The following PCNT variants were observed in gnomAD, a reference collection of about 807,000 sequenced individuals.
The protein encoded by PCNT is pericentrin.
In PCNT, 319 loss-of-function variants were observed where a neutral mutation model predicts 380.4. That is an observed-to-expected ratio of 0.84 (90% CI 0.77 to 0.92). PCNT has a LOEUF of 0.92. Ranked by LOEUF, PCNT falls within the 40% of genes least tolerant of loss-of-function variation. PCNT has a pLI of 0.00. For synonymous variants in PCNT, 1,845 were observed against 1,735.2 expected (o/e 1.06, Z -1.57); for missense variants, 4,400 against 4,255.3 (o/e 1.03, Z -0.95).
intron 36 of PCNT, 109 bp from the exon 37 acceptor site, chr21:46,430,398 G>A: frequency 6.9e-7 from 1 of 1,456,888 alleles, no homozygotes; most frequent in Non-Finnish European, 9.4e-7. Flanking sequence ...GGGGGGTGAA[G>A]CACACGTGTG....
chr21:46,349,202 G>T lies in PCNT; in HGVS notation c.1207+16G>T. The T allele has an allele frequency of 1.9e-6, 3 of 1,607,788 alleles. No individual in the cohort carries two copies. The South Asian group carries it at 3.3e-5, about 18-fold the overall frequency. ...CAGGCTGAACGTAAGTAATGAAAAT[G>T]AGCAAGTTTGGAGTGGGACTGAATT... On this transcript the variant is annotated intron_variant, in intron 7 of 46. Transcript: ENST00000359568.
At chr21:46,437,943 G>A (rs538872193) in intron 40 of PCNT, among the ~76,000 whole-genome samples, 28 of 152,326 alleles carry the variant, frequency 1.8e-4, no homozygotes, top group Middle Eastern at 3.4e-3. Flanking sequence ...ACAACCAAAC[G>A]GGCTATGCTT....
chr21:46,325,465 A>G (rs2083353886), intron 1 of PCNT, among the ~76,000 whole-genome samples: 1 of 151,320 alleles, frequency 6.6e-6, no homozygotes, highest in Non-Finnish European at 1.5e-5. Flanking sequence ...ATATCCCGAC[A>G]TGGATAGGTG....
intron 12 of PCNT, 113 bp from the exon 13 acceptor site, chr21:46,356,859 CCA>C (rs1366152323): frequency 1.5e-5 from 13 of 849,900 alleles, no homozygotes; most frequent in Middle Eastern, 3.5e-4. Flanking sequence ...GCTTGAAAAT[CCA>C]CAGTGTCTGC....
intron 6 of PCNT, among the ~76,000 whole-genome samples, chr21:46,347,719 C>T (rs551562743): frequency 6.6e-6 from 1 of 152,342 alleles, no homozygotes; most frequent in East Asian, 1.9e-4. Context: ...TTCACATTGA[C>T]TTGCATAACA....
chr21:46,399,442 C>A, intron 24 of PCNT, 148 bp from the exon 25 acceptor site: 1 of 673,276 alleles, frequency 1.5e-6, no homozygotes, highest in Admixed American at 2.3e-5. Flanking sequence ...TCTCCCTGTG[C>A]AGCCTGTGAG....
Position 46,425,900 on chromosome 21 carries a change from A to C in PCNT, c.7249A>C (p.Ser2417Arg), listed in dbSNP as rs2087474843. The part of the protein sequence containing the change: ...LALSEGLAPP[S>R]GEPHPPRKED... ...GCTGTCAGAAGGCCTTGCACCCCCA[A>C]GCGGCGAGCCACACCCACCCCGGAA... The change falls in exon 33 of 47, where the codon AGC (serine) becomes CGC (arginine). Residue 2417 changes from serine to arginine, a missense_variant. Physicochemically the swap from Ser to Arg is moderately radical, Grantham distance 110 (BLOSUM62 -1). Coordinates refer to ENST00000359568, the MANE Select transcript of PCNT (RefSeq NM_006031.6). The surrounding 1 kb of genome is among the most constrained non-coding windows in gnomAD (Gnocchi z 4.2). 1 of 1,613,886 alleles carries C rather than the reference A, an allele frequency of 6.2e-7. No homozygotes were observed. Among genetic ancestry groups the C allele is most frequent in the Admixed American group, 1.7e-5 (1 of 60,014 alleles).
intron 2 of PCNT, 62 bp from the exon 3 acceptor site, chr21:46,334,335 G>A: frequency 6.2e-7 from 1 of 1,611,956 alleles, no homozygotes; most frequent in Non-Finnish European, 8.5e-7. Context: ...AGCTGGGAAG[G>A]GCCTGAGGCT....
At chr21:46,324,565 G>A (rs1204791815) in intron 1 of PCNT, among the ~76,000 whole-genome samples, 1 of 114,614 alleles carries the variant, frequency 8.7e-6, no homozygotes, top group African/African-American at 4.0e-5. Context: ...GCCTGCGTCG[G>A]GGGGGGTGGG....
chr21:46,418,162 A>C, intron 30 of PCNT, 42 bp from the exon 31 acceptor site: 1 of 1,222,674 alleles, frequency 8.2e-7, no homozygotes, highest in Non-Finnish European at 1.2e-6. Context: ...GCTATGATGT[A>C]ATTACTCATT....
intron 3 of PCNT, among the ~76,000 whole-genome samples, chr21:46,344,442 G>A (rs904615593): frequency 3.9e-5 from 6 of 152,186 alleles, no homozygotes; most frequent in East Asian, 1.9e-4. Flanking sequence ...ACGAGTCCCC[G>A]CACAGGCAGC....
Position 46,364,367 on chromosome 21 carries a change from T to C in PCNT, c.2609+433T>C, listed in dbSNP as rs559170030. ...GCCCCCCGGCCACAGTGGGACAGCT[T>C]TGTGTTTGGACGGGCAGGCTGGCAG... is the stretch of plus-strand genomic sequence containing the variant. On this transcript the variant is annotated intron_variant, in intron 14 of 46. Transcript: ENST00000359568. 1.5e-3 allele frequency among the ~76,000 whole-genome samples: 234 copies of C among 152,302 alleles called. 1 individual carries two copies. The highest frequency in any genetic ancestry group is 3.4e-3 in the Middle Eastern group (1 of 294).
Position 46,334,568 on chromosome 21 carries a change from A to G in PCNT, c.439A>G (p.Thr147Ala). The G allele has an allele frequency of 6.4e-7, 1 of 1,573,742 alleles. No individual in the cohort carries two copies. The highest frequency in any genetic ancestry group is 8.7e-7 in the Non-Finnish European group (1 of 1,146,516). ...DHPPEQRGMF[T>A]VSDHPPEQHG... ...CCCACCAGAACAGCGTGGGATGTTC[A>G]CAGTCAGTGACCACCCACCAGAACA... Residue 147 changes from threonine to alanine, a missense_variant, in exon 3 of 47, where the codon ACA becomes GCA. Physicochemically the swap from Thr to Ala is moderately conservative, Grantham distance 58. Transcript: ENST00000359568.
intron 23 of PCNT, 24 bp from the exon 24 acceptor site, chr21:46,398,211 C>A: frequency 6.2e-7 from 1 of 1,608,254 alleles, no homozygotes; most frequent in Non-Finnish European, 8.5e-7. Context: ...AAATTTTTGC[C>A]TTCCATGTAC....
At position 46,397,416 on chromosome 21, in the gene PCNT, G is replaced by C. The variant is rs2086245135; in HGVS notation, c.4368G>C (p.Gln1456His). The stretch of plus-strand genomic sequence containing the variant: ...CTCAGCATCGCGGGTGTGCCAAGCA[G>C]GCGGAGGCCGTCACTGCCCTGGAAC... ...QLSQHRGCAK[Q>H]AEAVTALEQQ... Residue 1456 changes from glutamine to histidine, a missense_variant, in exon 22 of 47, where the codon CAG (glutamine) becomes CAC (histidine). By Grantham distance (24) the Gln-to-His change is conservative. Transcript: ENST00000359568. 6.2e-7 allele frequency: 1 copy of C among 1,614,110 alleles called. No individual in the cohort carries two copies. Among genetic ancestry groups the C allele is most frequent in the African/African-American group, 1.3e-5 (1 of 74,952 alleles).
chr21:46,437,044 A>T lies in PCNT; in HGVS notation c.9062A>T (p.Glu3021Val). ...AVMSLLHTLE[E>V]LKSDLSRPTS... is the part of the protein sequence containing the mutation. ...ATGTCTTTACTGCACACGTTGGAGG[A>T]GCTGAAGTCTGACTTGAGCAGGCCC... The change falls in exon 40 of 47, where the codon GAG becomes GTG. Residue 3021 changes from glutamate to valine, a missense_variant. Glu to Val is a moderately radical substitution (Grantham distance 121). Transcript: ENST00000359568. 2 of 1,614,124 alleles carry T rather than the reference A, an allele frequency of 1.2e-6. No individual in the cohort carries two copies. Among genetic ancestry groups the T allele is most frequent in the East Asian group, 2.2e-5 (1 of 44,884 alleles).
chr21:46,369,651 C>T (rs1335069563), intron 15 of PCNT, among the ~76,000 whole-genome samples: 1 of 152,240 alleles, frequency 6.6e-6, no homozygotes, highest in South Asian at 2.1e-4. Context: ...GCATATCACA[C>T]ATGAAGTGTG....
rs751242426 is a variant in PCNT, at chr21:46,432,047, G to GGA, written c.8593_8594dup (p.Glu2866GlyfsTer11). 2 of 1,613,946 alleles carry GGA rather than the reference G, an allele frequency of 1.2e-6. No homozygotes were observed. The highest frequency in any genetic ancestry group is 1.7e-6 in the Non-Finnish European group (2 of 1,180,016). ...AAAAACGAGAGCTGAGATGCTCTCTGGAGAGAGAGAGGGAGAAACCAGCGT... is the reference window on the plus strand; with the variant it reads ...AAAAACGAGAGCTGAGATGCTCTCTGGAGAGAGAGAGAGGGAGAAACCAGCGT... On this transcript the variant is annotated frameshift_variant, in exon 38 of 47. Transcript: ENST00000359568. LOFTEE classifies it high-confidence loss of function.
intron 39 of PCNT, among the ~76,000 whole-genome samples, chr21:46,436,493 G>T (rs2053458861): frequency 2.6e-5 from 1 of 38,140 alleles, no homozygotes; most frequent in Non-Finnish European, 5.9e-5. Context: ...CCCCCCGCTG[G>T]CACTGCCCAG....
Sources: allele counts gnomAD v4.1 joint callset (sites outside exome capture counted in the v4.1 genomes callset), GRCh38; gene constraint gnomAD v4.1.1; non-coding constraint Gnocchi (gnomAD v3.1); transcripts MANE v1.5; gene names NCBI Gene and HGNC (gene_info 2026-07-23, HGNC 2026-07-21).